CNTN2: variants seen among roughly 807,000 people sequenced by gnomAD.
CNTN2 encodes the protein contactin 2, also known as contactin-2.
Under a neutral mutation model 117.5 loss-of-function variants are expected in CNTN2, and 53 were observed. The observed-to-expected ratio is 0.45, with a 90% CI of 0.36 to 0.57. The LOEUF (loss-of-function observed/expected upper bound fraction) is 0.57, where lower values mean the gene tolerates loss of function less well. Ranked by LOEUF, CNTN2 falls within the 20% of genes least tolerant of loss-of-function variation. The probability of loss-of-function intolerance (pLI) is 0.00; values close to 1 mark genes in which losing one functional copy is unlikely to be tolerated. For missense variants in CNTN2, 1,106 were observed against 1,404.3 expected, an observed-to-expected ratio of 0.79 and a Z score of 3.39; for synonymous variants, 530 against 561.7, an observed-to-expected ratio of 0.94 and a Z score of 0.80.
In CNTN2 at chr1:205,078,140, C is replaced by T. The variant is rs1654947298; in HGVS notation, c.*4375C>T. The T allele has an allele frequency of 6.6e-6, 1 of 152,200 alleles. No homozygotes were observed. The highest frequency in any genetic ancestry group is 2.4e-5 in the African/African-American group (1 of 41,422). 9.4% of individuals were successfully genotyped at this position (152,200 alleles called of 1,614,324 possible). ...TGAAATATAAGTAAGTTACAACATACAGTCTATATTGCTTCATCCAGTCCC... is the reference window on the plus strand; with the variant it reads ...TGAAATATAAGTAAGTTACAACATATAGTCTATATTGCTTCATCCAGTCCC... On this transcript the variant is annotated 3_prime_UTR_variant, in exon 23 of 23. Transcript: ENST00000331830.
In CNTN2 at chr1:205,069,463, C is replaced by T. The variant is rs773397632; in HGVS notation, c.2126-28C>T. On this transcript the variant is annotated intron_variant, in intron 16 of 22. Transcript: ENST00000331830. ...ATTTTTTCCTTGCTCATTAACAAGC[C>T]ATATCGGTGTCCCTTGGCCCTTGAC... The T allele has an allele frequency of 2.9e-5, 47 of 1,610,938 alleles. No homozygotes were observed. The South Asian group carries it at 4.6e-4, about 16-fold the overall frequency.
intron 2 of CNTN2, among the ~76,000 whole-genome samples, chr1:205,054,293 T>C (rs1465913916): frequency 6.6e-6 from 1 of 152,214 alleles, no homozygotes; most frequent in Non-Finnish European, 1.5e-5. Context: ...AGGGAGGGAC[T>C]CCACTGGCAT....
At chr1:205,071,918 T>C in intron 19 of CNTN2, 29 bp from the exon 20 acceptor site, 1 of 1,590,834 alleles carries the variant, frequency 6.3e-7, no homozygotes, top group Non-Finnish European at 8.5e-7. Flanking sequence ...GCTTGACTAC[T>C]ACCCCTTGGG....
At chr1:205,064,155 G>C (rs1470637) in intron 10 of CNTN2, among the ~76,000 whole-genome samples, 167 bp from the exon 11 acceptor site, 1 of 149,044 alleles carries the variant, frequency 6.7e-6, no homozygotes, top group South Asian at 2.2e-4. Flanking sequence ...TAGTCCAGGC[G>C]GGAGATTTGA....
intron 9 of CNTN2, 168 bp downstream of exon 9, chr1:205,062,169 T>C (rs1654024373): frequency 2.2e-6 from 2 of 909,032 alleles, no homozygotes; most frequent in Admixed American, 3.0e-5. Flanking sequence ...CCCAGTCCCA[T>C]TGTCACAGGC....
intron 16 of CNTN2, chr1:205,068,630 CTGTGCCA>C (rs1179476964): frequency 6.6e-6 from 1 of 152,222 alleles, no homozygotes; most frequent in Non-Finnish European, 1.5e-5. Flanking sequence ...CAGATTCTAC[CTGTGCCA>C]TGTATTAACT....
At position 205,059,452 on chromosome 1, in the gene CNTN2, G is replaced by T; in HGVS notation, c.698-131G>T. 1 of 1,184,008 alleles carries T rather than the reference G, an allele frequency of 8.4e-7. No individual in the cohort carries two copies. The highest frequency in any genetic ancestry group is 1.4e-5 in the South Asian group (1 of 73,594). The allele number at this position is 1,184,008 out of a possible 1,614,324, so 73.3% of individuals were successfully genotyped here. On this transcript the variant is annotated intron_variant, in intron 6 of 22. Transcript: ENST00000331830. This position sits in a 1 kb window ranked among gnomAD's most constrained non-coding sequence, Gnocchi z 5.6. Reference sequence around the variant, plus strand: ...TCCTGCTTCAAATCCTGAGGCCCTTGCCCCAGGCCTCAAGGAGATTCCACA... The same window carrying T: ...TCCTGCTTCAAATCCTGAGGCCCTTTCCCCAGGCCTCAAGGAGATTCCACA...
chr1:205,070,566 G>T, intron 19 of CNTN2, 28 bp downstream of exon 19: 2 of 1,540,932 alleles, frequency 1.3e-6, no homozygotes, highest in Non-Finnish European at 1.8e-6. Context: ...ACTTGGGAGA[G>T]GAAGGGGTGC....
At chr1:205,050,866 G>A (rs533239859) in intron 1 of CNTN2, among the ~76,000 whole-genome samples, 58 of 152,198 alleles carry the variant, frequency 3.8e-4, no homozygotes, top group African/African-American at 1.3e-3. Context: ...TGATCCACCC[G>A]CCTCGGCCTC....
In CNTN2 at chr1:205,059,075, A is replaced by G. The variant is rs772073566; in HGVS notation, c.488-9A>G. 1 of 1,613,900 alleles carries G rather than the reference A, an allele frequency of 6.2e-7. No individual in the cohort carries two copies. The highest frequency in any genetic ancestry group is 2.2e-5 in the East Asian group (1 of 44,844). On this transcript the variant is annotated splice_polypyrimidine_tract_variant and intron_variant, in intron 5 of 22. Coordinates refer to ENST00000331830, the MANE Select transcript of CNTN2 (RefSeq NM_005076.5). The surrounding 1 kb of genome is among the most constrained non-coding windows in gnomAD (Gnocchi z 5.6). ...ACCCCCTGGTTTCCTCAAACTCCTCACATCCTAGGCTTGTCCTACCGCTGG... is the reference window on the plus strand; with the variant it reads ...ACCCCCTGGTTTCCTCAAACTCCTCGCATCCTAGGCTTGTCCTACCGCTGG...
intron 2 of CNTN2, among the ~76,000 whole-genome samples, chr1:205,056,383 C>T (rs764423619): frequency 2.0e-5 from 3 of 152,200 alleles, no homozygotes; most frequent in African/African-American, 7.2e-5. Flanking sequence ...ATGATGCCGT[C>T]ACCGCCCGCC....
At chr1:205,057,668 G>T (rs1558540689) in intron 2 of CNTN2, 1 of 386,500 alleles carries the variant, frequency 2.6e-6, no homozygotes, top group South Asian at 4.3e-5. Flanking sequence ...GGCCAGATGG[G>T]GCCTGCCCAG....
At position 205,070,081 on chromosome 1, in the gene CNTN2, C is replaced by A. The variant is rs4951165; in HGVS notation, c.2431+20C>A. On this transcript the variant is annotated intron_variant, in intron 18 of 22. Coordinates refer to ENST00000331830, the MANE Select transcript of CNTN2 (RefSeq NM_005076.5). ...AGGAAGGTGGGCTGCCCCTGGGCCC[C>A]CTGCTCGTCCCTACCCCAGCCACTT... 0.063 allele frequency: 101,798 copies of A among 1,607,188 alleles called. 4,993 individuals are homozygous for A. The highest frequency in any genetic ancestry group is 0.19 in the African/African-American group (14,518 of 74,886).
rs1654628684 is a variant in CNTN2, at chr1:205,072,153, G to A, written c.2731+20G>A. The A allele has an allele frequency of 1.3e-6, 2 of 1,593,296 alleles. No individual in the cohort carries two copies. The highest frequency in any genetic ancestry group is 1.7e-6 in the Non-Finnish European group (2 of 1,172,450). ...AGCCCCGTGAGTCTGTCTGCCTGGG[G>A]TGGGGGTAGGGCAATATTTTGGAGG... is the stretch of plus-strand genomic sequence containing the variant. On this transcript the variant is annotated intron_variant, in intron 20 of 22. Transcript: ENST00000331830.
chr1:205,069,544 C>G lies in CNTN2; in HGVS notation c.2179C>G (p.Leu727Val), dbSNP rs1379916904. 3 of 1,613,772 alleles carry G rather than the reference C, an allele frequency of 1.9e-6. No individual in the cohort carries two copies. The highest frequency in any genetic ancestry group is 2.5e-6 in the Non-Finnish European group (3 of 1,180,032). ...CGGAGGAGGTGGAGCCCCCGGAGAG[C>G]TCATCGTCAACTGGACGGTAAGCTG... The part of the protein sequence containing the change: ...LSGGGGAPGE[L>V]IVNWTPMSRE... Residue 727 changes from leucine to valine, a missense_variant, in exon 17 of 23, where the codon CTC (leucine) becomes GTC (valine). Physicochemically the swap from Leu to Val is conservative, Grantham distance 32. Coordinates refer to ENST00000331830, the MANE Select transcript of CNTN2 (RefSeq NM_005076.5).
Position 205,075,190 on chromosome 1 carries a change from T to A in CNTN2, c.*1425T>A. 1 of 320,154 alleles carries A rather than the reference T, an allele frequency of 3.1e-6. No individual in the cohort carries two copies. Among genetic ancestry groups the A allele is most frequent in the Non-Finnish European group, 5.7e-6 (1 of 176,680 alleles). 19.8% of individuals were successfully genotyped at this position (320,154 alleles called of 1,614,324 possible). On this transcript the variant is annotated 3_prime_UTR_variant, in exon 23 of 23. Coordinates refer to ENST00000331830, the MANE Select transcript of CNTN2 (RefSeq NM_005076.5). ...GAGGAAGGAGGCACTGCTGAATGGC[T>A]ATGGCCTGGCTAAGAAGGTGATTAG...
chr1:205,061,802 C>G lies in CNTN2; in HGVS notation c.974-63C>G. 6.7e-7 allele frequency: 1 copy of G among 1,481,684 alleles called. No individual in the cohort carries two copies. The highest frequency in any genetic ancestry group is 1.4e-5 in the South Asian group (1 of 70,680). The allele number at this position is 1,481,684 out of a possible 1,614,324, so 91.8% of individuals were successfully genotyped here. The stretch of plus-strand genomic sequence containing the variant: ...GGTGCTGCTGCCCTGATTTTCTGTT[C>G]CTTTTAATGAGCTGGAAGCTCCTCC... On this transcript the variant is annotated intron_variant, in intron 8 of 22. Coordinates refer to ENST00000331830, the MANE Select transcript of CNTN2 (RefSeq NM_005076.5). This position sits in a 1 kb window ranked among gnomAD's most constrained non-coding sequence, Gnocchi z 4.8.
At chr1:205,071,772 T>C (rs888922132) in intron 19 of CNTN2, among the ~76,000 whole-genome samples, 175 bp from the exon 20 acceptor site, 1 of 152,122 alleles carries the variant, frequency 6.6e-6, no homozygotes, top group African/African-American at 2.4e-5. Context: ...CAGCAGGGAC[T>C]CACACCCACA....
At chr1:205,052,326 C>T (rs3767292) in intron 1 of CNTN2, among the ~76,000 whole-genome samples, 33,445 of 152,148 alleles carry the variant, frequency 0.22, 4,594 homozygotes, top group East Asian at 0.64. Flanking sequence ...AAGAGAAGGC[C>T]CCATCTCTGA....
Sources: allele counts gnomAD v4.1 joint callset (sites outside exome capture counted in the v4.1 genomes callset), GRCh38; gene constraint gnomAD v4.1.1; non-coding constraint Gnocchi (gnomAD v3.1); transcripts MANE v1.5; gene names NCBI Gene and HGNC (gene_info 2026-07-23, HGNC 2026-07-21).